RNF185: variants seen among roughly 807,000 people sequenced by gnomAD.
The protein encoded by RNF185 is E3 ubiquitin-protein ligase RNF185.
A neutral mutation model predicts 24.9 loss-of-function variants in RNF185; 13 were observed. That is an observed-to-expected ratio of 0.52 (90% confidence interval 0.34 to 0.83). The LOEUF is 0.83. Among genes scored for constraint, RNF185 ranks in the 40% least tolerant of loss-of-function variants. RNF185 has a pLI of 0.01. For synonymous variants in RNF185, 79 were observed against 90.3 expected (o/e 0.88, Z 0.71); for missense variants, 184 against 244.7 (o/e 0.75, Z 1.65).
chr22:31,194,783 G>A (rs1432848446), intron 3 of RNF185, among the ~76,000 whole-genome samples: 1 of 152,034 alleles, frequency 6.6e-6, no homozygotes, highest in Non-Finnish European at 1.5e-5. Context: ...GGAAAATACA[G>A]TTGCTCCTAC....
chr22:31,204,009 C>G (rs998841935), intron 6 of RNF185, among the ~76,000 whole-genome samples: 4 of 147,372 alleles, frequency 2.7e-5, no homozygotes, highest in African/African-American at 1.0e-4. Context: ...CCATTGCACT[C>G]CAGCCTGGGC....
intron 5 of RNF185, among the ~76,000 whole-genome samples, chr22:31,199,382 C>A (rs2048239832): frequency 6.6e-6 from 1 of 152,136 alleles, no homozygotes; most frequent in Admixed American, 6.5e-5. Flanking sequence ...CCAGGTGACA[C>A]CACTTTAACA....
intron 6 of RNF185, among the ~76,000 whole-genome samples, chr22:31,203,218 G>C (rs938864522): frequency 1.3e-5 from 2 of 152,186 alleles, no homozygotes; most frequent in African/African-American, 4.8e-5. Context: ...CCTGGACACA[G>C]ATTCTTTTAT....
chr22:31,196,837 G>A (rs1038030888), intron 4 of RNF185, 99 bp from the exon 5 acceptor site: 6 of 1,501,992 alleles, frequency 4.0e-6, no homozygotes, highest in South Asian at 1.2e-5. Flanking sequence ...CAAGAAAGAG[G>A]CTATGGCCCT....
intron 1 of RNF185, among the ~76,000 whole-genome samples, chr22:31,163,106 A>T (rs1923683088): frequency 6.6e-6 from 1 of 152,132 alleles, no homozygotes; most frequent in East Asian, 1.9e-4. Context: ...AAGAAGAATA[A>T]TATTACATAG....
chr22:31,190,331 G>C (rs1284767057), intron 2 of RNF185, among the ~76,000 whole-genome samples: 1 of 152,062 alleles, frequency 6.6e-6, no homozygotes, highest in Admixed American at 6.6e-5. Flanking sequence ...CTGTTGCCCA[G>C]GCTGGAGTGC....
rs1196076379 is a variant in RNF185, at chr22:31,198,704, C to CTT, written c.363+1740_363+1741dup. Among the ~76,000 whole-genome samples the CTT allele has an allele frequency of 1.1e-3, 76 of 69,674 alleles. 2 individuals are homozygous for CTT. Among genetic ancestry groups the CTT allele is most frequent in the South Asian group, 2.8e-3 (5 of 1,784 alleles). The allele number at this position is 69,674 out of a possible 152,430, so 45.7% of individuals were successfully genotyped here. A position where few individuals can be genotyped will look rare whatever the true frequency, so the allele number is the denominator to read the frequency against. On this transcript the variant is annotated intron_variant, in intron 5 of 6. Transcript: ENST00000326132. ...GTGAGCCACCGCGCACTGCCACTTT[C>CTT]TTTTTTTTTTTTTTTTTTTTTTTTT...
intron 2 of RNF185, among the ~76,000 whole-genome samples, chr22:31,188,170 A>G (rs980893723): frequency 6.6e-6 from 1 of 152,216 alleles, no homozygotes; most frequent in African/African-American, 2.4e-5. Flanking sequence ...GAGCCAGATT[A>G]TCAAACCCAG....
At chr22:31,186,998 G>A in intron 1 of RNF185, 49 bp from the exon 2 acceptor site, 3 of 1,278,056 alleles carry the variant, frequency 2.3e-6, no homozygotes, top group Admixed American at 2.3e-5. Flanking sequence ...ATGGAAGCTG[G>A]GGGGAGAGGG....
At chr22:31,182,589 C>T (rs980459268) in intron 1 of RNF185, among the ~76,000 whole-genome samples, 1 of 152,164 alleles carries the variant, frequency 6.6e-6, no homozygotes, top group Non-Finnish European at 1.5e-5. Context: ...CATGAGCCAC[C>T]ATGCCCAGCC....
intron 3 of RNF185, among the ~76,000 whole-genome samples, chr22:31,193,082 C>T (rs150814964): frequency 1.3e-5 from 2 of 152,274 alleles, no homozygotes; most frequent in African/African-American, 4.8e-5. Flanking sequence ...TTTTTGGTGT[C>T]AACAAAGAGC....
rs183039809 is a variant in RNF185 at position 31,201,424 on chromosome 22, G to A, written c.364-74G>A. ...GGTGCCACATGCAAGACAACGTGAG[G>A]TATGTTGAGTTTTGACAGGCACAGG... On this transcript the variant is annotated intron_variant, in intron 5 of 6. Transcript: ENST00000326132. 4.6e-3 allele frequency: 4,743 copies of A among 1,029,736 alleles called. 27 individuals are homozygous for A. Among genetic ancestry groups the A allele is most frequent in the South Asian group, 8.7e-3 (690 of 79,060 alleles). 63.8% of individuals were successfully genotyped at this position (1,029,736 alleles called of 1,614,324 possible).
intron 1 of RNF185, among the ~76,000 whole-genome samples, chr22:31,166,038 CTGGAGTGCAG>C (rs1770224316): frequency 6.6e-6 from 1 of 152,146 alleles, no homozygotes; most frequent in Non-Finnish European, 1.5e-5. Context: ...GTTGCCCAGG[CTGGAGTGCAG>C]TGGCACAGTG....
chr22:31,195,456 C>T lies in RNF185; in HGVS notation c.196-13C>T. The T allele has an allele frequency of 6.3e-7, 1 of 1,579,350 alleles. No homozygotes were observed. The highest frequency in any genetic ancestry group is 2.3e-5 in the East Asian group (1 of 43,236). On this transcript the variant is annotated splice_polypyrimidine_tract_variant and intron_variant, in intron 3 of 6. Transcript: ENST00000326132. ...TTGGGCCATCCACATGCATTTTTCT[C>T]TCCTGTTTGCAGTGGTTGGAGACCA...
chr22:31,197,968 A>G (rs1568972746), intron 5 of RNF185, among the ~76,000 whole-genome samples: 1 of 152,212 alleles, frequency 6.6e-6, no homozygotes, highest in Non-Finnish European at 1.5e-5. Flanking sequence ...GAACAAAAAC[A>G]TTTACATTTT....
intron 1 of RNF185, among the ~76,000 whole-genome samples, chr22:31,178,620 T>G (rs1275384452): frequency 6.6e-6 from 1 of 152,194 alleles, no homozygotes; most frequent in East Asian, 1.9e-4. Flanking sequence ...GCCCCTTGTT[T>G]AGAATTCTTA....
Position 31,204,644 on chromosome 22 carries a change from A to C in RNF185, c.*58A>C. ...TCTGGACTGGTGACGTGCCACCCCA[A>C]CTCCTGGTGTTTGGCTTCCTGGCTA... On this transcript the variant is annotated 3_prime_UTR_variant, in exon 7 of 7. Coordinates refer to ENST00000326132, the MANE Select transcript of RNF185 (RefSeq NM_152267.4). 2 of 1,213,948 alleles carry C rather than the reference A, an allele frequency of 1.6e-6. No individual in the cohort carries two copies. Among genetic ancestry groups the C allele is most frequent in the Non-Finnish European group, 2.4e-6 (2 of 817,866 alleles). The allele number at this position is 1,213,948 out of a possible 1,614,324, so 75.2% of individuals were successfully genotyped here.
At chr22:31,167,455 A>C (rs564189433) in intron 1 of RNF185, among the ~76,000 whole-genome samples, 9 of 152,146 alleles carry the variant, frequency 5.9e-5, no homozygotes, top group African/African-American at 1.4e-4. Context: ...CCCATGAAGC[A>C]ATAACTCCTC....
chr22:31,190,596 G>GT (rs773834834), intron 2 of RNF185, among the ~76,000 whole-genome samples: 14 of 150,190 alleles, frequency 9.3e-5, no homozygotes, highest in Non-Finnish European at 1.8e-4. Context: ...CTGGTTTTTG[G>GT]TTTTTTTTGA....
Sources: gnomAD v4.1 joint callset for allele counts (sites outside exome capture counted in the v4.1 genomes callset) on GRCh38, gnomAD v4.1.1 for gene constraint, MANE v1.5 for transcripts, NCBI Gene and HGNC (gene_info 2026-07-23, HGNC 2026-07-21) for gene names.